The following NPSR1 variants were observed in gnomAD, a reference collection of about 807,000 sequenced individuals.
NPSR1 encodes neuropeptide S receptor.
In NPSR1, 48 loss-of-function variants were observed where a neutral mutation model predicts 46.9. The observed-to-expected ratio is 1.02, with a 90% CI of 0.81 to 1.30. NPSR1 has a LOEUF of 1.30. Ranked by LOEUF, NPSR1 falls within the 50% of genes most tolerant of loss-of-function variation. NPSR1 has a pLI of 0.00. For synonymous variants in NPSR1, 176 were observed against 168.1 expected, an observed-to-expected ratio of 1.05 and a Z score of -0.36; for missense variants, 450 against 449.5, an observed-to-expected ratio of 1.00 and a Z score of -0.01.
intron 4 of NPSR1, among the ~76,000 whole-genome samples, chr7:34,819,057 A>T (rs1789410874): frequency 6.6e-6 from 1 of 152,236 alleles, no homozygotes; most frequent in African/African-American, 2.4e-5. Context: ...ACAAAAGCCA[A>T]AATTGACAAA....
At chr7:34,837,506 T>C (rs1790415732) in intron 6 of NPSR1, among the ~76,000 whole-genome samples, 2 of 152,226 alleles carry the variant, frequency 1.3e-5, no homozygotes. Context: ...ATTTCACCCA[T>C]GGCCCATTGC....
intron 3 of NPSR1, among the ~76,000 whole-genome samples, chr7:34,803,427 T>C (rs1173683042): frequency 2.0e-5 from 3 of 152,008 alleles, no homozygotes; most frequent in Non-Finnish European, 4.4e-5. Flanking sequence ...GGGACATGGA[T>C]GAAATTGGAA....
intron 8 of NPSR1, among the ~76,000 whole-genome samples, chr7:34,856,351 A>T (rs1791047619): frequency 1.3e-5 from 2 of 151,792 alleles, no homozygotes. Flanking sequence ...TAAATAAAAA[A>T]TTTAATTTTT....
At chr7:34,772,670 A>T (rs1392217248) in intron 2 of NPSR1, among the ~76,000 whole-genome samples, 1 of 152,158 alleles carries the variant, frequency 6.6e-6, no homozygotes, top group African/African-American at 2.4e-5. Flanking sequence ...CTTCCACAAC[A>T]GCAGGGGCAG....
chr7:34,841,553 A>G (rs1271036775), intron 6 of NPSR1, among the ~76,000 whole-genome samples: 3 of 152,246 alleles, frequency 2.0e-5, no homozygotes, highest in African/African-American at 7.2e-5. Flanking sequence ...GCTCAGCACC[A>G]AGGCCTGAGT....
Position 34,783,870 on chromosome 7 carries a change from G to T in NPSR1, c.384+5305G>T, listed in dbSNP as rs161767. Among the ~76,000 whole-genome samples the T allele has an allele frequency of 6.2e-3, 939 of 152,010 alleles. 5 individuals are homozygous for T. The highest frequency in any genetic ancestry group is 0.022 in the African/African-American group (900 of 41,478). On this transcript the variant is annotated intron_variant, in intron 3 of 8. Transcript: ENST00000360581. ...AGACTAGAAGAACATATGTAAGGAA[G>T]GAAAAACAAACTGCCAACCAAAAAT...
intron 1 of NPSR1, among the ~76,000 whole-genome samples, chr7:34,672,962 C>T (rs1290953837): frequency 6.6e-6 from 1 of 152,200 alleles, no homozygotes. Flanking sequence ...GCTGTTACTA[C>T]CTCAAAAGTG....
intron 1 of NPSR1, among the ~76,000 whole-genome samples, chr7:34,675,600 T>C (rs1438272510): frequency 6.6e-6 from 1 of 151,980 alleles, no homozygotes; most frequent in Non-Finnish European, 1.5e-5. Flanking sequence ...AGGGGTGGAG[T>C]TGTGACCCAG....
intron 4 of NPSR1, among the ~76,000 whole-genome samples, chr7:34,826,103 G>A (rs17789642): frequency 0.074 from 11,295 of 152,076 alleles, 508 homozygotes; most frequent in East Asian, 0.12. Context: ...CAAGGGACTC[G>A]AGTTTCCAAA....
chr7:34,839,856 G>T (rs740718), intron 6 of NPSR1, among the ~76,000 whole-genome samples: 24,672 of 151,968 alleles, frequency 0.16, 2,238 homozygotes, highest in Non-Finnish European at 0.21. Context: ...AAGGTTTGGG[G>T]TGGTAGACAT....
intron 3 of NPSR1, among the ~76,000 whole-genome samples, chr7:34,807,083 G>A (rs576893702): frequency 1.8e-4 from 27 of 152,214 alleles, no homozygotes; most frequent in Non-Finnish European, 3.5e-4. Flanking sequence ...TGACATTTAT[G>A]AATTGACTAT....
intron 3 of NPSR1, among the ~76,000 whole-genome samples, chr7:34,789,737 G>A (rs1180108299): frequency 1.6e-4 from 12 of 72,874 alleles, no homozygotes; most frequent in African/African-American, 4.7e-4. Context: ...AAGTTGCAGT[G>A]CGCAAAAAAA....
intron 2 of NPSR1, among the ~76,000 whole-genome samples, chr7:34,706,469 A>T (rs1794115857): frequency 1.3e-5 from 2 of 152,152 alleles, no homozygotes; most frequent in Admixed American, 6.5e-5. Flanking sequence ...TTAATCAATA[A>T]TTTGATTTTG....
intron 2 of NPSR1, among the ~76,000 whole-genome samples, chr7:34,710,148 T>C (rs1783201022): frequency 1.3e-5 from 2 of 152,230 alleles, no homozygotes; most frequent in Admixed American, 1.3e-4. Context: ...CTGATCCCTC[T>C]TCAGTCTCAA....
chr7:34,728,838 GA>G, intron 2 of NPSR1: 1 of 152,782 alleles, frequency 6.5e-6, no homozygotes, highest in East Asian at 1.9e-4. Flanking sequence ...AACAAAGAGA[GA>G]AGATTAAATG....
At chr7:34,689,133 C>T (rs146700481) in intron 2 of NPSR1, among the ~76,000 whole-genome samples, 54 of 152,320 alleles carry the variant, frequency 3.5e-4, no homozygotes, top group African/African-American at 1.2e-3. Context: ...TTGGCCCCCA[C>T]TCCAGAACTA....
At chr7:34,838,908 A>G (rs746920161) in intron 6 of NPSR1, among the ~76,000 whole-genome samples, 2 of 152,198 alleles carry the variant, frequency 1.3e-5, no homozygotes, top group Non-Finnish European at 1.5e-5. Flanking sequence ...TGGAACAGAC[A>G]AATTTCTCGT....
At chr7:34,725,342 T>C (rs1255860265) in intron 2 of NPSR1, among the ~76,000 whole-genome samples, 2 of 152,224 alleles carry the variant, frequency 1.3e-5, no homozygotes, top group African/African-American at 4.8e-5. Context: ...TAAAATTTAC[T>C]ATGTCCCATC....
rs750105892 is a variant in NPSR1 at position 34,658,958 on chromosome 7, A to T, written c.147+399A>T. 3.4e-4 allele frequency among the ~76,000 whole-genome samples: 51 copies of T among 152,216 alleles called. 2 individuals are homozygous for T. The highest frequency in any genetic ancestry group is 2.8e-4 in the Non-Finnish European group (19 of 68,014). ...GGAACACCAGAGATGCGGAAAGCTC[A>T]CAATCCCCAGGACAGTGACTGATAT... On this transcript the variant is annotated intron_variant, in intron 1 of 8. Coordinates refer to ENST00000360581, the MANE Select transcript of NPSR1 (RefSeq NM_207172.2).
Sources: gnomAD v4.1 joint callset for allele counts (sites outside exome capture counted in the v4.1 genomes callset) on GRCh38, gnomAD v4.1.1 for gene constraint, MANE v1.5 for transcripts, NCBI Gene and HGNC (gene_info 2026-07-23, HGNC 2026-07-21) for gene names.